Variants in MYLIP observed in about 807,000 individuals in gnomAD.
MYLIP encodes the protein myosin regulatory light chain interacting protein.
A neutral mutation model predicts 45.8 loss-of-function variants in MYLIP; 26 were observed. That is an observed-to-expected ratio of 0.57 (90% CI 0.42 to 0.79). The LOEUF is 0.79. Among genes scored for constraint, MYLIP ranks in the 30% least tolerant of loss-of-function variants. The pLI is 0.00. For synonymous variants in MYLIP, 213 were observed against 218.1 expected, an observed-to-expected ratio of 0.98 and a Z score of 0.21; for missense variants, 494 against 555.6, an observed-to-expected ratio of 0.89 and a Z score of 1.11.
rs1346530005 is a variant in MYLIP, at chr6:16,146,645, T to C, written c.1249-17T>C. On this transcript the variant is annotated splice_polypyrimidine_tract_variant and intron_variant, in intron 6 of 6. Coordinates refer to ENST00000356840, the MANE Select transcript of MYLIP (RefSeq NM_013262.4). ...AGGCTTGCATGCTAACAGAGACTGT[T>C]GGCTTTTCTTTCCCAGTCATGTCCC... 6.3e-7 allele frequency: 1 copy of C among 1,599,846 alleles called. No homozygotes were observed.
chr6:16,163,869 A>AT, the MYLIP span: 3 of 152,178 alleles, frequency 2.0e-5, no homozygotes, highest in African/African-American at 7.2e-5. Flanking sequence ...TTTCAAATAT[A>AT]TTTTTCTCTG....
Position 16,146,811 on chromosome 6 carries a change from A to T in MYLIP, c.*60A>T. The stretch of plus-strand genomic sequence containing the variant: ...ATGAACTGCACTATTATAAACTATT[A>T]AAATGATAGATTGTGGAGAAAGTAA... On this transcript the variant is annotated 3_prime_UTR_variant, in exon 7 of 7. Transcript: ENST00000356840. The T allele has an allele frequency of 1.5e-6, 2 of 1,346,588 alleles. No homozygotes were observed. Among genetic ancestry groups the T allele is most frequent in the South Asian group, 2.5e-5 (2 of 79,366 alleles). The allele number at this position is 1,346,588 out of a possible 1,614,324, so 83.4% of individuals were successfully genotyped here. A position where few individuals can be genotyped will look rare whatever the true frequency, so the allele number is the denominator to read the frequency against.
intron 4 of MYLIP, 151 bp from the exon 5 acceptor site, chr6:16,143,547 CA>C: frequency 1.2e-6 from 1 of 816,092 alleles, no homozygotes; most frequent in Non-Finnish European, 1.9e-6. Flanking sequence ...TGTATCTTTA[CA>C]ATAAGGCAGC....
In MYLIP at chr6:16,144,919, G is replaced by C. The variant is rs778685907; in HGVS notation, c.850G>C (p.Val284Leu). 2 of 1,613,670 alleles carry C rather than the reference G, an allele frequency of 1.2e-6. No homozygotes were observed. Among genetic ancestry groups the C allele is most frequent in the Non-Finnish European group, 1.7e-6 (2 of 1,179,738 alleles). The change falls in exon 6 of 7, where the codon GTG becomes CTG. Residue 284 changes from valine to leucine, a missense_variant. By Grantham distance (32) the Val-to-Leu change is conservative. Transcript: ENST00000356840. The part of the protein sequence containing the change: ...FYRCDTVTSA[V>L]MMQYSRDLKG... Reference sequence around the variant, plus strand: ...CAGGTGTGACACAGTGACCAGCGCCGTGATGATGCAGTATAGCCGTGACTT... The same window carrying C: ...CAGGTGTGACACAGTGACCAGCGCCCTGATGATGCAGTATAGCCGTGACTT...
chr6:16,136,657 C>T (rs1488966665), intron 2 of MYLIP, among the ~76,000 whole-genome samples: 2 of 152,124 alleles, frequency 1.3e-5, no homozygotes, highest in Admixed American at 6.5e-5. Flanking sequence ...ACTGCCGGAC[C>T]TTTTCCCAAA....
rs1003508032 is a variant in MYLIP at position 16,147,294 on chromosome 6, A to G, written c.*543A>G. ...GATCAAGAATGATTGGAAGGCAAAC[A>G]GGTTTACAAATCAATTCTGTGACTT... On this transcript the variant is annotated 3_prime_UTR_variant, in exon 7 of 7. Transcript: ENST00000356840. 2.0e-5 allele frequency: 3 copies of G among 153,642 alleles called. No homozygotes were observed. Among genetic ancestry groups the G allele is most frequent in the African/African-American group, 7.2e-5 (3 of 41,474 alleles). The allele number at this position is 153,642 out of a possible 1,614,324, so 9.5% of individuals were successfully genotyped here.
Position 16,130,571 on chromosome 6 carries a change from G to C in MYLIP, c.102G>C (p.Leu34=). Residue 34 remains leucine (L), a synonymous_variant, in exon 2 of 7, where the codon CTG becomes CTC. Coordinates refer to ENST00000356840, the MANE Select transcript of MYLIP (RefSeq NM_013262.4). ...TTTTGTTTTAGGTGTGCAGGCGACTGGGAATCATAGAAGTTGACTATTTTG... is the reference window on the plus strand; with the variant it reads ...TTTTGTTTTAGGTGTGCAGGCGACTCGGAATCATAGAAGTTGACTATTTTG... ...EDCLNQVCRR[L]GIIEVDYFGL... The C allele has an allele frequency of 1.9e-6, 3 of 1,614,102 alleles. No individual in the cohort carries two copies. Among genetic ancestry groups the C allele is most frequent in the Non-Finnish European group, 2.5e-6 (3 of 1,179,970 alleles).
chr6:16,162,927 G>A, the MYLIP span, among the ~76,000 whole-genome samples: 1 of 152,086 alleles, frequency 6.6e-6, no homozygotes, highest in African/African-American at 2.4e-5. Flanking sequence ...TAGAGGGCAG[G>A]GATTCAGAAA....
the MYLIP span, among the ~76,000 whole-genome samples, chr6:16,153,622 A>G: frequency 6.6e-6 from 1 of 152,230 alleles, no homozygotes; most frequent in African/African-American, 2.4e-5. Flanking sequence ...TTTATAAATA[A>G]TTACACACAA....
At chr6:16,145,436 G>C in intron 6 of MYLIP, 119 bp downstream of exon 6, 1 of 1,172,338 alleles carries the variant, frequency 8.5e-7, no homozygotes, top group Non-Finnish European at 1.2e-6. Context: ...TCTTCACCCG[G>C]AAAGGGTCTT....
Position 16,141,607 on chromosome 6 carries a change from T to C in MYLIP, c.279-18T>C. The C allele has an allele frequency of 6.2e-7, 1 of 1,605,560 alleles. No homozygotes were observed. The highest frequency in any genetic ancestry group is 8.5e-7 in the Non-Finnish European group (1 of 1,173,674). On this transcript the variant is annotated intron_variant, in intron 2 of 6. Transcript: ENST00000356840. ...AGGTTATCCCCAAGCATAACCTCAC[T>C]CTCACCTTGCTTTGCAGGCATATCT... is the stretch of plus-strand genomic sequence containing the variant.
chr6:16,139,116 G>A (rs887767964), intron 2 of MYLIP, among the ~76,000 whole-genome samples: 2 of 152,154 alleles, frequency 1.3e-5, no homozygotes, highest in Non-Finnish European at 2.9e-5. Context: ...CTTTACACCT[G>A]AAAAATAAGT....
the MYLIP span, among the ~76,000 whole-genome samples, chr6:16,155,985 G>A: frequency 6.6e-6 from 1 of 152,188 alleles, no homozygotes; most frequent in Non-Finnish European, 1.5e-5. Context: ...TTGAAGAGTG[G>A]TGAATGTGGA....
chr6:16,144,925 A>G lies in MYLIP; in HGVS notation c.856A>G (p.Met286Val), dbSNP rs1759753181. 2 of 1,614,042 alleles carry G rather than the reference A, an allele frequency of 1.2e-6. No homozygotes were observed. The highest frequency in any genetic ancestry group is 1.7e-6 in the Non-Finnish European group (2 of 1,179,908). Residue 286 changes from methionine (M) to valine (V), a missense_variant, in exon 6 of 7, where the codon ATG (methionine) becomes GTG (valine). Transcript: ENST00000356840. ...TGACACAGTGACCAGCGCCGTGATGATGCAGTATAGCCGTGACTTGAAGGG... is the reference window on the plus strand; with the variant it reads ...TGACACAGTGACCAGCGCCGTGATGGTGCAGTATAGCCGTGACTTGAAGGG... ...RCDTVTSAVM[M>V]QYSRDLKGHL...
intron 2 of MYLIP, among the ~76,000 whole-genome samples, chr6:16,137,164 G>A (rs1378933465): frequency 3.9e-5 from 6 of 152,140 alleles, no homozygotes; most frequent in Non-Finnish European, 5.9e-5. Flanking sequence ...ATTTAGACCC[G>A]TGATCCATCT....
intron 6 of MYLIP, among the ~76,000 whole-genome samples, chr6:16,145,591 C>T (rs571101237): frequency 2.7e-4 from 41 of 152,126 alleles, no homozygotes; most frequent in Non-Finnish European, 5.3e-4. Context: ...ATCTAGTTAG[C>T]GGCTTACCTG....
Position 16,136,904 on chromosome 6 carries a change from G to C in MYLIP, c.279-4721G>C, listed in dbSNP as rs141302722. ...TGTTGTTTGCTTTTATTTTTGAGTTGTACAAATTCTTCATGTACCCTAGAT... is the reference window on the plus strand; with the variant it reads ...TGTTGTTTGCTTTTATTTTTGAGTTCTACAAATTCTTCATGTACCCTAGAT... On this transcript the variant is annotated intron_variant, in intron 2 of 6. Transcript: ENST00000356840. 7.6e-3 allele frequency among the ~76,000 whole-genome samples: 1,157 copies of C among 152,202 alleles called. 4 individuals are homozygous for C. Among genetic ancestry groups the C allele is most frequent in the Middle Eastern group, 0.014 (4 of 294 alleles).
In MYLIP at chr6:16,145,072, G is replaced by T. The variant is rs201087709; in HGVS notation, c.1003G>T (p.Val335Phe). Residue 335 changes from valine (V) to phenylalanine (F), a missense_variant, in exon 6 of 7, where the codon GTT (valine) becomes TTT (phenylalanine). By Grantham distance (50) the Val-to-Phe change is conservative. Coordinates refer to ENST00000356840, the MANE Select transcript of MYLIP (RefSeq NM_013262.4). Reference protein sequence around the residue: ...HARRALYNAGVVDLVSRNNQS... With the variant: ...HARRALYNAGFVDLVSRNNQS... ...CAGGAGGGCTCTGTACAATGCTGGC[G>T]TTGTGGACCTCGTTTCAAGAAACAA... 3 of 1,614,074 alleles carry T rather than the reference G, an allele frequency of 1.9e-6. No homozygotes were observed. The highest frequency in any genetic ancestry group is 2.7e-5 in the African/African-American group (2 of 74,940).
At chr6:16,142,446 A>G (rs539685842) in intron 3 of MYLIP, among the ~76,000 whole-genome samples, 7 of 152,376 alleles carry the variant, frequency 4.6e-5, no homozygotes, top group Admixed American at 2.0e-4. Context: ...CTATTCCTGC[A>G]TAACAAGTTA....
Sources: allele counts gnomAD v4.1 joint callset (sites outside exome capture counted in the v4.1 genomes callset), GRCh38; gene constraint gnomAD v4.1.1; transcripts MANE v1.5; gene names NCBI Gene and HGNC (gene_info 2026-07-23, HGNC 2026-07-21).